The following CADM1 variants were observed in gnomAD, a reference collection of about 807,000 sequenced individuals.
CADM1 encodes the protein TSLC-1.
Under a neutral mutation model 53.1 loss-of-function variants are expected in CADM1, and 15 were observed. That is an observed-to-expected ratio of 0.28 (90% CI 0.19 to 0.44). The LOEUF (loss-of-function observed/expected upper bound fraction) is 0.44, where lower values mean the gene tolerates loss of function less well. Ranked by LOEUF, CADM1 falls within the 20% of genes least tolerant of loss-of-function variation. The pLI, the probability that CADM1 is intolerant of heterozygous loss-of-function variation, is 1.00. For synonymous variants in CADM1, 281 were observed against 243.0 expected (o/e 1.16, Z -1.45); for missense variants, 434 against 611.3 (o/e 0.71, Z 3.06).
intron 1 of CADM1, among the ~76,000 whole-genome samples, chr11:115,461,010 C>G (rs1395029581): frequency 6.6e-6 from 1 of 152,074 alleles, no homozygotes; most frequent in Non-Finnish European, 1.5e-5. Flanking sequence ...ATCTTCTAAG[C>G]CTGCTAACCA....
intron 8 of CADM1, among the ~76,000 whole-genome samples, chr11:115,202,847 G>T (rs1040536112): frequency 1.4e-5 from 2 of 143,506 alleles, no homozygotes; most frequent in Non-Finnish European, 3.0e-5. Context: ...TAAATATATG[G>T]TGGGTTTTTT....
intron 1 of CADM1, among the ~76,000 whole-genome samples, chr11:115,427,389 G>A (rs758859072): frequency 5.9e-5 from 9 of 152,210 alleles, no homozygotes; most frequent in Non-Finnish European, 1.2e-4. Flanking sequence ...AGGCTTCTAG[G>A]ACACTGCTGG....
intron 10 of CADM1, among the ~76,000 whole-genome samples, chr11:115,187,957 G>A (rs4590908): frequency 6.6e-6 from 1 of 152,138 alleles, no homozygotes. Context: ...CTGATAACAT[G>A]TTTTGAGGAA....
At chr11:115,386,986 T>C (rs1946715814) in intron 1 of CADM1, among the ~76,000 whole-genome samples, 1 of 152,146 alleles carries the variant, frequency 6.6e-6, no homozygotes, top group Admixed American at 6.5e-5. Context: ...AACAACCAAG[T>C]AGCAACAGTG....
chr11:115,428,075 T>C (rs1475065690), intron 1 of CADM1, among the ~76,000 whole-genome samples: 2 of 151,040 alleles, frequency 1.3e-5, no homozygotes, highest in Non-Finnish European at 2.9e-5. Flanking sequence ...AAAATATGTC[T>C]GAGTCTTCCA....
intron 1 of CADM1, among the ~76,000 whole-genome samples, chr11:115,296,313 T>C (rs76507782): frequency 2.4e-3 from 370 of 152,310 alleles, no homozygotes; most frequent in African/African-American, 8.6e-3. Context: ...AGTAGTGCTA[T>C]GCCTTAAGTT....
intron 1 of CADM1, among the ~76,000 whole-genome samples, chr11:115,311,994 T>C (rs1276075337): frequency 6.6e-6 from 1 of 152,146 alleles, no homozygotes; most frequent in African/African-American, 2.4e-5. Flanking sequence ...TTTCTTCATC[T>C]TTTAATTTGT....
intron 10 of CADM1, among the ~76,000 whole-genome samples, chr11:115,180,286 G>A (rs1939248550): frequency 6.6e-6 from 1 of 152,216 alleles, no homozygotes; most frequent in Non-Finnish European, 1.5e-5. Flanking sequence ...TTAAAATGGA[G>A]TATTTAAAGT....
At chr11:115,479,999 A>G (rs1008711917) in intron 1 of CADM1, among the ~76,000 whole-genome samples, 6 of 152,232 alleles carry the variant, frequency 3.9e-5, no homozygotes, top group African/African-American at 2.4e-5. Flanking sequence ...ATATGGAATG[A>G]AAGAATTTTA....
intron 1 of CADM1, among the ~76,000 whole-genome samples, chr11:115,300,557 T>G (rs1158005486): frequency 6.6e-6 from 1 of 152,282 alleles, no homozygotes; most frequent in African/African-American, 2.4e-5. Context: ...AGAAAGCACA[T>G]ACTATCGAAA....
chr11:115,240,511 A>G, intron 1 of CADM1, 91 bp from the exon 2 acceptor site: 1 of 1,357,410 alleles, frequency 7.4e-7, no homozygotes, highest in Non-Finnish European at 1.0e-6. Flanking sequence ...TAGGCATATT[A>G]GAAAATGAAC....
At chr11:115,413,150 G>T (rs1280084242) in intron 1 of CADM1, among the ~76,000 whole-genome samples, 2 of 152,064 alleles carry the variant, frequency 1.3e-5, no homozygotes, top group African/African-American at 2.4e-5. Context: ...GGGAAGAGAG[G>T]GTGTGCATAA....
intron 1 of CADM1, among the ~76,000 whole-genome samples, chr11:115,354,015 A>C (rs1945801809): frequency 6.6e-6 from 1 of 152,228 alleles, no homozygotes; most frequent in Non-Finnish European, 1.5e-5. Context: ...GAAAGAAAAA[A>C]TCTAGTGTCC....
chr11:115,340,643 TATATATATA>T (rs1432407035), intron 1 of CADM1, among the ~76,000 whole-genome samples: 7 of 33,480 alleles, frequency 2.1e-4, no homozygotes, highest in Non-Finnish European at 4.2e-4. Flanking sequence ...TATATATATA[TATATATATA>T]TATATATTTT....
At chr11:115,298,173 C>A (rs778904055) in intron 1 of CADM1, among the ~76,000 whole-genome samples, 2 of 152,208 alleles carry the variant, frequency 1.3e-5, no homozygotes, top group Non-Finnish European at 2.9e-5. Context: ...GCTACTGACA[C>A]CCTTCTGTAT....
At chr11:115,400,018 T>C (rs906442805) in intron 1 of CADM1, among the ~76,000 whole-genome samples, 4 of 152,194 alleles carry the variant, frequency 2.6e-5, no homozygotes, top group African/African-American at 9.7e-5. Flanking sequence ...ACCCAGCCTA[T>C]ATAAAATGCT....
intron 1 of CADM1, among the ~76,000 whole-genome samples, chr11:115,350,340 A>C (rs1367620956): frequency 6.6e-6 from 1 of 152,188 alleles, no homozygotes; most frequent in Non-Finnish European, 1.5e-5. Flanking sequence ...CTATTGGTCA[A>C]AAGGGTGATT....
At chr11:115,271,647 G>C (rs548741104) in intron 1 of CADM1, among the ~76,000 whole-genome samples, 18 of 152,304 alleles carry the variant, frequency 1.2e-4, no homozygotes, top group African/African-American at 4.3e-4. Flanking sequence ...GCCCATTATA[G>C]ATGAACACAG....
At chr11:115,320,920 C>T (rs912292204) in intron 1 of CADM1, among the ~76,000 whole-genome samples, 2 of 152,066 alleles carry the variant, frequency 1.3e-5, no homozygotes, top group African/African-American at 4.8e-5. Flanking sequence ...CAAATCTAGT[C>T]TTCCTTTGTA....
Sources: allele counts gnomAD v4.1 joint callset (sites outside exome capture counted in the v4.1 genomes callset), GRCh38; gene constraint gnomAD v4.1.1; transcripts MANE v1.5; gene names NCBI Gene and HGNC (gene_info 2026-07-23, HGNC 2026-07-21).